CACNA1C: variants seen among roughly 807,000 people sequenced by gnomAD.
The protein encoded by CACNA1C is calcium voltage-gated channel subunit alpha1 C.
In CACNA1C, 30 loss-of-function variants were observed where a neutral mutation model predicts 229.0. The observed-to-expected ratio is 0.13, with a 90% confidence interval of 0.10 to 0.18. The LOEUF (loss-of-function observed/expected upper bound fraction) is 0.18, where lower values mean the gene tolerates loss of function less well. Ranked by LOEUF, CACNA1C falls within the 10% of genes least tolerant of loss-of-function variation. The probability of loss-of-function intolerance (pLI) is 1.00; values close to 1 mark genes in which losing one functional copy is unlikely to be tolerated. For synonymous variants in CACNA1C, 1,114 were observed against 1,132.5 expected (o/e 0.98, Z 0.33); for missense variants, 1,658 against 2,845.0 (o/e 0.58, Z 9.49).
chr12:2,625,524 G>C (rs1043566105), intron 29 of CACNA1C, among the ~76,000 whole-genome samples: 2 of 152,148 alleles, frequency 1.3e-5, no homozygotes, highest in Non-Finnish European at 2.9e-5. Flanking sequence ...TGTGACACAG[G>C]CTGCGGGCAG....
At chr12:1,988,228 T>C (rs2038356269) in intron 1 of CACNA1C, among the ~76,000 whole-genome samples, 1 of 152,242 alleles carries the variant, frequency 6.6e-6, no homozygotes, top group Non-Finnish European at 1.5e-5. Flanking sequence ...GGGTCATTGT[T>C]ACCTCTGTGC....
At chr12:2,091,396 T>G (rs2070885973) in intron 1 of CACNA1C, among the ~76,000 whole-genome samples, 1 of 152,224 alleles carries the variant, frequency 6.6e-6, no homozygotes, top group Admixed American at 6.5e-5. Flanking sequence ...TCTTATATTT[T>G]TGAAGGTCAG....
At chr12:2,314,445 G>A (rs547202678) in intron 3 of CACNA1C, among the ~76,000 whole-genome samples, 2 of 152,270 alleles carry the variant, frequency 1.3e-5, no homozygotes, top group East Asian at 1.9e-4. Flanking sequence ...CGGCTGTGTC[G>A]CCAGCACCCG....
intron 3 of CACNA1C, among the ~76,000 whole-genome samples, chr12:2,274,788 C>A (rs1399011460): frequency 6.6e-6 from 1 of 152,194 alleles, no homozygotes; most frequent in Non-Finnish European, 1.5e-5. Flanking sequence ...AGGGTGCAGT[C>A]TAGAGCGGGG....
intron 30 of CACNA1C, among the ~76,000 whole-genome samples, chr12:2,634,864 A>G (rs1487698996): frequency 1.3e-5 from 2 of 152,140 alleles, no homozygotes. Context: ...ACCCTGAGAT[A>G]AGGCTAAGAC....
chr12:2,488,112 G>T lies in CACNA1C; in HGVS notation c.916+1850G>T, dbSNP rs2099704080. Among the ~76,000 whole-genome samples the T allele has an allele frequency of 6.6e-6, 1 of 152,230 alleles. No homozygotes were observed. Among genetic ancestry groups the T allele is most frequent in the Admixed American group, 6.5e-5 (1 of 15,290 alleles). ...GGTAGAATTCAGCCATCGAGCCAAAGATGGCGGCCCTGCTGTGCAATCAGA... is the reference window on the plus strand; with the variant it reads ...GGTAGAATTCAGCCATCGAGCCAAATATGGCGGCCCTGCTGTGCAATCAGA... On this transcript the variant is annotated intron_variant, in intron 6 of 46. Coordinates refer to ENST00000399655, the MANE Select transcript of CACNA1C (RefSeq NM_000719.7). The surrounding 1 kb of genome is among the most constrained non-coding windows in gnomAD (Gnocchi z 4.0).
intron 29 of CACNA1C, among the ~76,000 whole-genome samples, chr12:2,618,167 G>T (rs1271104210): frequency 6.6e-6 from 1 of 152,198 alleles, no homozygotes; most frequent in Non-Finnish European, 1.5e-5. Flanking sequence ...ACCAGATTCT[G>T]ACATTCCCCT....
chr12:2,512,284 G>T lies in CACNA1C; in HGVS notation c.1218-528G>T, dbSNP rs912226343. ...GAGACATCCCTGAAGCCAGAGTTGG[G>T]AAGAGACATGAATGATTGGCTCTCA... On this transcript the variant is annotated intron_variant, in intron 8 of 46. Coordinates refer to ENST00000399655, the MANE Select transcript of CACNA1C (RefSeq NM_000719.7). This position sits in a 1 kb window ranked among gnomAD's most constrained non-coding sequence, Gnocchi z 4.3. 6.6e-6 allele frequency among the ~76,000 whole-genome samples: 1 copy of T among 152,122 alleles called. No individual in the cohort carries two copies. The highest frequency in any genetic ancestry group is 1.5e-5 in the Non-Finnish European group (1 of 68,016).
At chr12:2,103,410 C>T (rs2077113054) in intron 1 of CACNA1C, among the ~76,000 whole-genome samples, 1 of 152,048 alleles carries the variant, frequency 6.6e-6, no homozygotes, top group South Asian at 2.1e-4. Context: ...TATCCTTTAC[C>T]TAGTTTTTGA....
At chr12:2,121,981 C>T (rs2086975875) in intron 3 of CACNA1C, among the ~76,000 whole-genome samples, 1 of 152,100 alleles carries the variant, frequency 6.6e-6, no homozygotes, top group Admixed American at 6.6e-5. Flanking sequence ...CTGAGATGGC[C>T]ACATGTAGCC....
chr12:2,531,451 T>C (rs1318084160), intron 9 of CACNA1C, among the ~76,000 whole-genome samples: 1 of 152,212 alleles, frequency 6.6e-6, no homozygotes, highest in Non-Finnish European at 1.5e-5. Context: ...TAGGTAAAAG[T>C]AATACCCAAA....
intron 1 of CACNA1C, among the ~76,000 whole-genome samples, chr12:2,009,250 A>G (rs550583084): frequency 5.9e-5 from 9 of 152,338 alleles, no homozygotes; most frequent in Non-Finnish European, 1.2e-4. Context: ...TGATAAAAAA[A>G]TAATGTTTGG....
intron 3 of CACNA1C, among the ~76,000 whole-genome samples, chr12:2,171,491 A>G (rs2096478899): frequency 6.6e-6 from 1 of 151,640 alleles, no homozygotes; most frequent in Non-Finnish European, 1.5e-5. Flanking sequence ...GGAGGTGGGG[A>G]CTCCACAGGG....
At chr12:2,062,908 T>C (rs777006570) in intron 1 of CACNA1C, among the ~76,000 whole-genome samples, 2 of 152,170 alleles carry the variant, frequency 1.3e-5, no homozygotes, top group African/African-American at 4.8e-5. Context: ...CTTCATGCAT[T>C]ATTTATTTAT....
chr12:2,115,359 C>G lies in CACNA1C; in HGVS notation c.185C>G (p.Ala62Gly). ...WQAAIDAARQAKLMGSAGNAT... is the reference protein window; with the variant it reads ...WQAAIDAARQGKLMGSAGNAT... Reference sequence around the variant, plus strand: ...GCGGCCATCGACGCAGCCCGGCAGGCTAAGCTGATGGGCAGCGCTGGCAAT... The same window carrying G: ...GCGGCCATCGACGCAGCCCGGCAGGGTAAGCTGATGGGCAGCGCTGGCAAT... Residue 62 changes from alanine to glycine, a missense_variant, in exon 2 of 47, where the codon GCT becomes GGT. Around this residue, in one of 20 missense-constraint regions of CACNA1C, gnomAD observed 111 missense variants for 128.0 expected, o/e 0.87. Coordinates refer to ENST00000399655, the MANE Select transcript of CACNA1C (RefSeq NM_000719.7). 6.3e-7 allele frequency: 1 copy of G among 1,598,638 alleles called. No homozygotes were observed. The highest frequency in any genetic ancestry group is 8.5e-7 in the Non-Finnish European group (1 of 1,175,218).
chr12:2,121,154 T>C (rs1558321), intron 3 of CACNA1C, among the ~76,000 whole-genome samples: 115,784 of 152,176 alleles, frequency 0.76, 44,575 homozygotes, highest in African/African-American at 0.88. Context: ...GCAAAAGGCA[T>C]GCAGGGAAAA....
intron 13 of CACNA1C, among the ~76,000 whole-genome samples, chr12:2,568,847 AG>A (rs1196600550): frequency 6.6e-6 from 1 of 152,180 alleles, no homozygotes; most frequent in African/African-American, 2.4e-5. Context: ...GAATGTATTT[AG>A]CACCACTGAA....
intron 3 of CACNA1C, among the ~76,000 whole-genome samples, chr12:2,355,393 C>T (rs570491782): frequency 6.6e-6 from 1 of 152,258 alleles, no homozygotes; most frequent in Admixed American, 6.5e-5. Context: ...GAAGGCTGCT[C>T]CCTGGACTCA....
intron 3 of CACNA1C, among the ~76,000 whole-genome samples, chr12:2,387,062 C>T (rs1192130846): frequency 1.3e-5 from 2 of 152,222 alleles, no homozygotes; most frequent in African/African-American, 4.8e-5. Flanking sequence ...GTTTAGAATT[C>T]TGTCCATTCA....
Sources: gnomAD v4.1 joint callset for allele counts (sites outside exome capture counted in the v4.1 genomes callset) on GRCh38, gnomAD v4.1.1 for gene constraint, gnomAD v4.1.1 regional missense constraint, Gnocchi (gnomAD v3.1) non-coding constraint, MANE v1.5 for transcripts, NCBI Gene and HGNC (gene_info 2026-07-23, HGNC 2026-07-21) for gene names.